Variants in KLRG2 observed in about 807,000 individuals in gnomAD.
KLRG2 encodes the protein killer cell lectin-like receptor subfamily G member 2.
Under a neutral mutation model 35.4 loss-of-function variants are expected in KLRG2, and 39 were observed. The observed-to-expected ratio is 1.10, with a 90% CI of 0.85 to 1.44. KLRG2 has a LOEUF of 1.44. KLRG2 is among the 40% of genes most tolerant of loss of function. KLRG2 has a pLI of 0.00. For synonymous variants in KLRG2, 283 were observed against 265.8 expected (o/e 1.06, Z -0.63); for missense variants, 632 against 570.9 (o/e 1.11, Z -1.09).
intron 3 of KLRG2, among the ~76,000 whole-genome samples, chr7:139,471,551 C>T (rs1796755747): frequency 6.6e-6 from 1 of 152,070 alleles, no homozygotes; most frequent in Admixed American, 6.6e-5. Flanking sequence ...ACCCCAGCTA[C>T]TCGGAAGGCT....
At chr7:139,467,762 T>A (rs1206321788) in intron 3 of KLRG2, among the ~76,000 whole-genome samples, 1 of 152,048 alleles carries the variant, frequency 6.6e-6, no homozygotes, top group Non-Finnish European at 1.5e-5. Context: ...CCCCATGGGA[T>A]AGTCTGAAAT....
the KLRG2 span, among the ~76,000 whole-genome samples, chr7:139,439,020 AT>A: frequency 6.7e-6 from 1 of 150,034 alleles, no homozygotes; most frequent in African/African-American, 2.5e-5. Flanking sequence ...GGTGAACTAT[AT>A]ACTTAGCACC....
chr7:139,456,880 G>A (rs528118473), intron 3 of KLRG2, among the ~76,000 whole-genome samples: 5 of 152,232 alleles, frequency 3.3e-5, no homozygotes, highest in African/African-American at 1.2e-4. Flanking sequence ...ATCGCACTAT[G>A]ATAACCCAGT....
the KLRG2 span, among the ~76,000 whole-genome samples, chr7:139,445,797 G>GTATATATATATATGTGTGTGTA: frequency 2.0e-5 from 2 of 99,074 alleles, no homozygotes; most frequent in African/African-American, 1.5e-4. Context: ...ATATATGTGT[G>GTATATATATATATGTGTGTGTA]TATATATATA....
chr7:139,461,679 C>A (rs1306214596), intron 3 of KLRG2, among the ~76,000 whole-genome samples: 1 of 152,158 alleles, frequency 6.6e-6, no homozygotes, highest in African/African-American at 2.4e-5. Context: ...CCCCTGCCCG[C>A]CAGCGAACAA....
At chr7:139,462,270 T>C (rs924093227) in intron 3 of KLRG2, among the ~76,000 whole-genome samples, 1 of 152,198 alleles carries the variant, frequency 6.6e-6, no homozygotes, top group Non-Finnish European at 1.5e-5. Context: ...CAGGGACGCC[T>C]GCCTTGGTCC....
At chr7:139,447,759 A>C (rs992757067), downstream of KLRG2, among the ~76,000 whole-genome samples, 29 of 152,048 alleles carry the variant, frequency 1.9e-4, no homozygotes, top group African/African-American at 6.8e-4. Context: ...AGCTAGGGGG[A>C]AAAAGCACTT....
chr7:139,482,852 G>C (rs998277901), intron 1 of KLRG2, 34 bp downstream of exon 1: 2 of 1,368,914 alleles, frequency 1.5e-6, no homozygotes, highest in Non-Finnish European at 1.9e-6. Context: ...ACCCGACCTG[G>C]CGGCGTCGGC....
chr7:139,454,864 T>TAACAAC (rs1238804285), intron 3 of KLRG2, among the ~76,000 whole-genome samples: 1 of 138,518 alleles, frequency 7.2e-6, no homozygotes, highest in African/African-American at 2.7e-5. Context: ...ATAATAATAA[T>TAACAAC]AACACACGCA....
chr7:139,440,628 T>A, the KLRG2 span, among the ~76,000 whole-genome samples: 1 of 152,040 alleles, frequency 6.6e-6, no homozygotes, highest in Non-Finnish European at 1.5e-5. Flanking sequence ...ATCTATTTTT[T>A]AAATAGAGAT....
chr7:139,449,671 T>C (rs1489339750), downstream of KLRG2, among the ~76,000 whole-genome samples: 1 of 151,688 alleles, frequency 6.6e-6, no homozygotes, highest in Non-Finnish European at 1.5e-5. Flanking sequence ...ACAAAAATAT[T>C]TTCTTCCTCT....
intron 3 of KLRG2, among the ~76,000 whole-genome samples, chr7:139,472,472 C>A (rs1299935601): frequency 2.6e-5 from 4 of 151,390 alleles, no homozygotes; most frequent in Admixed American, 2.6e-4. Context: ...AAGCTGAGTG[C>A]GGTGGCTCAT....
Position 139,466,777 on chromosome 7 carries a change from T to C in KLRG2, c.1006-12563A>G, listed in dbSNP as rs530487539. On this transcript the variant is annotated intron_variant, in intron 3 of 4. Coordinates refer to ENST00000340940, the MANE Select transcript of KLRG2 (RefSeq NM_198508.4). ...AATAAAAAAAGGGGGGGGTACTCTG[T>C]ATATTTTTAAATGAACAGTGCTGTT... is the stretch of plus-strand genomic sequence containing the variant. Among the ~76,000 whole-genome samples, 81 of 147,930 alleles carry C rather than the reference T, an allele frequency of 5.5e-4. 1 individual carries two copies. The highest frequency in any genetic ancestry group is 1.2e-3 in the Admixed American group (18 of 14,932).
Position 139,483,004 on chromosome 7 carries a change from C to G in KLRG2, c.639G>C (p.Pro213=). 7.3e-7 allele frequency: 1 copy of G among 1,377,184 alleles called. No individual in the cohort carries two copies. Among genetic ancestry groups the G allele is most frequent in the Non-Finnish European group, 9.3e-7 (1 of 1,073,464 alleles). The allele number at this position is 1,377,184 out of a possible 1,614,324, so 85.3% of individuals were successfully genotyped here. Residue 213 remains proline (P), a synonymous_variant, in exon 1 of 5, where the codon CCG becomes CCC. Coordinates refer to ENST00000340940, the MANE Select transcript of KLRG2 (RefSeq NM_198508.4). ...TGCAGCGGCAGCACGTGGGGGAGCC[C>G]GGGGAGCCGGCGCTTCCTTCCGCGG... is the stretch of plus-strand genomic sequence containing the variant. ...ASPAEGSAGS[P]GSPTCCRCKE... is the part of the protein sequence containing the mutation.
the KLRG2 span, among the ~76,000 whole-genome samples, chr7:139,445,790 T>TATATATATATATATATATATATAC: frequency 8.0e-6 from 1 of 125,502 alleles, no homozygotes; most frequent in African/African-American, 4.9e-5. Flanking sequence ...TGTATATATA[T>TATATATATATATATATATATATAC]ATGTGTGTAT....
chr7:139,447,402 C>CTT, the KLRG2 span, among the ~76,000 whole-genome samples: 16,964 of 136,794 alleles, frequency 0.12, 2,525 homozygotes, highest in African/African-American at 0.35. Context: ...TTGGGTCATT[C>CTT]TTTTTTTTTT....
At chr7:139,441,050 C>A in the KLRG2 span, among the ~76,000 whole-genome samples, 2 of 151,910 alleles carry the variant, frequency 1.3e-5, no homozygotes, top group African/African-American at 4.8e-5. Context: ...TCAAGACCAG[C>A]CAGGTCATCA....
chr7:139,446,350 T>TG, the KLRG2 span, among the ~76,000 whole-genome samples: 2 of 147,256 alleles, frequency 1.4e-5, no homozygotes, highest in Non-Finnish European at 1.5e-5. Context: ...TTTTTTTTTT[T>TG]TTTTTTTTTT....
At chr7:139,478,460 G>A (rs970717367) in intron 3 of KLRG2, among the ~76,000 whole-genome samples, 45 of 151,574 alleles carry the variant, frequency 3.0e-4, no homozygotes, top group Non-Finnish European at 6.2e-4. Context: ...ACCTGAGGTG[G>A]GGATTTTGAG....
Sources: gnomAD v4.1 joint callset for allele counts (sites outside exome capture counted in the v4.1 genomes callset) on GRCh38, gnomAD v4.1.1 for gene constraint, MANE v1.5 for transcripts, NCBI Gene and HGNC (gene_info 2026-07-23, HGNC 2026-07-21) for gene names.